The following SYNE1 variants were observed in gnomAD, a reference collection of about 807,000 sequenced individuals.
SYNE1 encodes the protein nesprin-1.
Under a neutral mutation model 1,111.0 loss-of-function variants are expected in SYNE1, and 616 were observed. The observed-to-expected ratio is 0.55, with a 90% CI of 0.52 to 0.59. The LOEUF (loss-of-function observed/expected upper bound fraction) is 0.59. SYNE1 is among the 20% of genes least tolerant of loss of function. The probability of loss-of-function intolerance (pLI) is 0.00; values close to 1 mark genes in which losing one functional copy is unlikely to be tolerated. For missense variants in SYNE1, 10,006 were observed against 10,417.0 expected, an observed-to-expected ratio of 0.96 and a Z score of 1.72; for synonymous variants, 3,855 against 3,825.8, an observed-to-expected ratio of 1.01 and a Z score of -0.28.
chr6:152,296,118 G>C (rs187821082), intron 93 of SYNE1, among the ~76,000 whole-genome samples: 318 of 152,280 alleles, frequency 2.1e-3, no homozygotes, highest in African/African-American at 7.3e-3. Flanking sequence ...TGATCCTGAT[G>C]ACTGCAGAGC....
Position 152,151,988 on chromosome 6 carries a change from G to A in SYNE1, c.24283C>T (p.Arg8095Cys), listed in dbSNP as rs200118773. Residue 8095 changes from arginine (R) to cysteine (C), a missense_variant, in exon 134 of 146, where the codon CGT (arginine) becomes TGT (cysteine). Transcript: ENST00000367255. ...GNQRWDNLQKRVTSILRRLKH... is the reference protein window; with the variant it reads ...GNQRWDNLQKCVTSILRRLKH... ...AGTCTGCGCAAGATGGAGGTGACACGCTTTTGCAGGTTGTCCCATCTCTGG... is the reference window on the plus strand; with the variant it reads ...AGTCTGCGCAAGATGGAGGTGACACACTTTTGCAGGTTGTCCCATCTCTGG... 5.6e-6 allele frequency: 9 copies of A among 1,614,174 alleles called. No homozygotes were observed. Among genetic ancestry groups the A allele is most frequent in the Middle Eastern group, 1.6e-4 (1 of 6,062 alleles).
At chr6:152,524,865 T>A (rs1200099055) in intron 5 of SYNE1, among the ~76,000 whole-genome samples, 1 of 152,224 alleles carries the variant, frequency 6.6e-6, no homozygotes. Context: ...AATTACCCTG[T>A]AATTTTAGGG....
intron 58 of SYNE1, among the ~76,000 whole-genome samples, chr6:152,375,281 G>A (rs962681471): frequency 1.3e-5 from 2 of 152,160 alleles, no homozygotes; most frequent in African/African-American, 4.8e-5. Flanking sequence ...CACAGGCAGA[G>A]TTGTCCTGTT....
chr6:152,447,329 C>T, intron 29 of SYNE1, 129 bp downstream of exon 29: 2 of 1,039,840 alleles, frequency 1.9e-6, no homozygotes, highest in Non-Finnish European at 2.8e-6. Flanking sequence ...ACAAAAAAAG[C>T]ATAACAACAA....
intron 59 of SYNE1, among the ~76,000 whole-genome samples, chr6:152,370,461 A>G (rs1309178848): frequency 1.3e-5 from 2 of 152,222 alleles, no homozygotes; most frequent in Admixed American, 6.5e-5. Context: ...TAAATAATTT[A>G]TTCTGATTTA....
intron 90 of SYNE1, among the ~76,000 whole-genome samples, chr6:152,309,139 G>A (rs561941135): frequency 6.6e-6 from 1 of 152,234 alleles, no homozygotes; most frequent in Admixed American, 6.5e-5. Flanking sequence ...GCAACATGGT[G>A]ACACCCCCAT....
chr6:152,352,006 G>A, intron 70 of SYNE1, 21 bp downstream of exon 70: 1 of 1,610,472 alleles, frequency 6.2e-7, no homozygotes, highest in East Asian at 2.2e-5. Flanking sequence ...GCATGCATCT[G>A]TCAATGAGTA....
intron 95 of SYNE1, among the ~76,000 whole-genome samples, chr6:152,289,927 T>A (rs1004934465): frequency 7.3e-5 from 3 of 40,844 alleles, no homozygotes; most frequent in African/African-American, 2.8e-4. Context: ...CGCCCAGCCT[T>A]TTTTTTTTTT....
intron 77 of SYNE1, among the ~76,000 whole-genome samples, chr6:152,333,000 T>A (rs1451927969): frequency 6.6e-6 from 1 of 152,048 alleles, no homozygotes; most frequent in South Asian, 2.1e-4. Context: ...AAATGTTAAG[T>A]ATCAAAGAAA....
At position 152,331,616 on chromosome 6, in the gene SYNE1, T is replaced by A. The variant is rs1379572221; in HGVS notation, c.13069A>T (p.Met4357Leu). 1.2e-6 allele frequency: 2 copies of A among 1,614,048 alleles called. No individual in the cohort carries two copies. The highest frequency in any genetic ancestry group is 1.7e-6 in the Non-Finnish European group (2 of 1,180,034). The change falls in exon 78 of 146, where the codon ATG becomes TTG. Residue 4357 changes from methionine (M) to leucine (L), a missense_variant. This residue lies in a region of SYNE1 where 4,955 missense variants were observed against 5,017.2 expected (regional missense o/e 0.99). Coordinates refer to ENST00000367255, the MANE Select transcript of SYNE1 (RefSeq NM_182961.4). ...NVVQSRFQEL[M>L]EWAEEQQPNI... ...GGTTGTTGCTCTTCTGCCCACTCCA[T>A]TAGCTCCTGAAATCTGGACTGCACC...
At chr6:152,391,705 A>T in intron 51 of SYNE1, 137 bp from the exon 52 acceptor site, 1 of 1,080,492 alleles carries the variant, frequency 9.3e-7, no homozygotes, top group South Asian at 1.7e-5. Context: ...TTAAATAAAG[A>T]TGCTGGGAAC....
intron 3 of SYNE1, among the ~76,000 whole-genome samples, chr6:152,584,162 T>C (rs1365280235): frequency 6.6e-6 from 1 of 152,102 alleles, no homozygotes; most frequent in Admixed American, 6.5e-5. Context: ...TAATTAAAGT[T>C]TTCCTTAGGG....
In SYNE1 at chr6:152,143,691, G is replaced by C. The variant is rs886044213; in HGVS notation, c.25051C>G (p.Gln8351Glu). ...ALDDSRFQIQ[Q>E]TENIIRSKTP... The stretch of plus-strand genomic sequence containing the variant: ...TTGCTGCGAATGATATTTTCGGTTT[G>C]CTGTATCTGAAAACGGCTATCATCC... Residue 8351 changes from glutamine to glutamate, a missense_variant, in exon 138 of 146, where the codon CAA (glutamine) becomes GAA (glutamate). Around this residue, in one of 7 missense-constraint regions of SYNE1, gnomAD observed 761 missense variants for 795.5 expected, o/e 0.96. Transcript: ENST00000367255. 9 of 1,614,198 alleles carry C rather than the reference G, an allele frequency of 5.6e-6. No individual in the cohort carries two copies. The highest frequency in any genetic ancestry group is 1.1e-5 in the South Asian group (1 of 91,078).
Position 152,371,164 on chromosome 6 carries a change from TC to T in SYNE1, c.9508-1551del, listed in dbSNP as rs557593745. On this transcript the variant is annotated intron_variant, in intron 59 of 145. Transcript: ENST00000367255. The stretch of plus-strand genomic sequence containing the variant: ...GGCCACTTGATATGGTTTGGCTGTG[TC>T]CCCCCCCAAATCTCATCTTGAATTG... Among the ~76,000 whole-genome samples, 15 of 151,434 alleles carry T rather than the reference TC, an allele frequency of 9.9e-5. 1 individual carries two copies. The highest frequency in any genetic ancestry group is 1.7e-4 in the African/African-American group (7 of 41,256).
intron 104 of SYNE1, among the ~76,000 whole-genome samples, chr6:152,252,214 G>A (rs918918154): frequency 6.6e-6 from 1 of 152,148 alleles, no homozygotes; most frequent in Non-Finnish European, 1.5e-5. Flanking sequence ...AGAGGTTGCA[G>A]TGAGCTGAGA....
At chr6:152,161,037 G>A (rs916903356) in intron 131 of SYNE1, among the ~76,000 whole-genome samples, 1 of 151,260 alleles carries the variant, frequency 6.6e-6, no homozygotes, top group Non-Finnish European at 1.5e-5. Context: ...TGAAAAATAG[G>A]AGAGAAATAT....
chr6:152,346,189 C>T (rs1249915659), intron 73 of SYNE1, among the ~76,000 whole-genome samples: 1 of 151,980 alleles, frequency 6.6e-6, no homozygotes, highest in South Asian at 2.1e-4. Flanking sequence ...TTTATTTAGA[C>T]GGAGTCTCAC....
chr6:152,424,469 C>A (rs746664023), intron 39 of SYNE1, among the ~76,000 whole-genome samples: 1 of 152,142 alleles, frequency 6.6e-6, no homozygotes, highest in African/African-American at 2.4e-5. Context: ...CAAATCTTTC[C>A]GTAAATTTCT....
intron 3 of SYNE1, among the ~76,000 whole-genome samples, chr6:152,566,343 G>A (rs538308156): frequency 3.1e-4 from 45 of 146,250 alleles, no homozygotes; most frequent in Non-Finnish European, 5.6e-4. Flanking sequence ...TTGTATTTTC[G>A]TTTTGCAGTG....
Sources: gnomAD v4.1 joint callset for allele counts (sites outside exome capture counted in the v4.1 genomes callset) on GRCh38, gnomAD v4.1.1 for gene constraint, gnomAD v4.1.1 regional missense constraint, MANE v1.5 for transcripts, NCBI Gene and HGNC (gene_info 2026-07-23, HGNC 2026-07-21) for gene names.